Variants in MAD1L1 observed in about 807,000 individuals in gnomAD.
The protein encoded by MAD1L1 is mitotic arrest deficient 1 like 1.
A neutral mutation model predicts 96.9 loss-of-function variants in MAD1L1; 95 were observed. The ratio of observed to expected loss-of-function variants is 0.98; its 90% CI spans 0.83 to 1.16. MAD1L1 has a LOEUF of 1.16. Among genes scored for constraint, MAD1L1 ranks in the 50% most tolerant of loss-of-function variants. The probability of loss-of-function intolerance (pLI) is 0.00; values close to 1 mark genes in which losing one functional copy is unlikely to be tolerated. For synonymous variants in MAD1L1, 473 were observed against 396.6 expected, an observed-to-expected ratio of 1.19 and a Z score of -2.29; for missense variants, 1,007 against 954.4, an observed-to-expected ratio of 1.06 and a Z score of -0.73.
chr7:2,192,615 G>A (rs1791783906), intron 10 of MAD1L1, among the ~76,000 whole-genome samples: 1 of 152,172 alleles, frequency 6.6e-6, no homozygotes. Flanking sequence ...CAGGCTCCTA[G>A]GGAACTGATT....
At position 1,843,292 on chromosome 7, in the gene MAD1L1, A is replaced by G. The variant is rs557644727; in HGVS notation, c.1999-27064T>C. Among the ~76,000 whole-genome samples the G allele has an allele frequency of 2.0e-5, 3 of 152,244 alleles. No individual in the cohort carries two copies. The East Asian group carries it at 5.8e-4, about 30-fold the overall frequency. On this transcript the variant is annotated intron_variant, in intron 18 of 18. Transcript: ENST00000265854. ...CAGGTTCTTCGGCAGTAAATCAACT[A>G]AACGGTAACACTCTTCCCTCCATCT... is the stretch of plus-strand genomic sequence containing the variant.
chr7:2,061,098 G>A (rs1784641935), intron 12 of MAD1L1, among the ~76,000 whole-genome samples: 1 of 152,238 alleles, frequency 6.6e-6, no homozygotes, highest in Admixed American at 6.5e-5. Flanking sequence ...CAACACTTTG[G>A]AAGGCTGAGG....
At chr7:2,130,754 G>C (rs747513074) in intron 11 of MAD1L1, among the ~76,000 whole-genome samples, 2 of 152,190 alleles carry the variant, frequency 1.3e-5, no homozygotes, top group Non-Finnish European at 2.9e-5. Context: ...CCCACTTCCA[G>C]TCACCGATCT....
intron 10 of MAD1L1, among the ~76,000 whole-genome samples, chr7:2,150,605 C>G (rs1562732731): frequency 6.6e-6 from 1 of 152,220 alleles, no homozygotes; most frequent in Non-Finnish European, 1.5e-5. Flanking sequence ...TTGCACGGCA[C>G]AGAGGACAGC....
At chr7:2,219,676 C>A (rs1454142863) in intron 5 of MAD1L1, among the ~76,000 whole-genome samples, 5 of 107,614 alleles carry the variant, frequency 4.6e-5, no homozygotes, top group Non-Finnish European at 9.2e-5. Context: ...GCAAGGGGGG[C>A]AGAGGGCAGG....
chr7:1,992,236 G>A (rs1164374972), intron 14 of MAD1L1, among the ~76,000 whole-genome samples: 1 of 152,104 alleles, frequency 6.6e-6, no homozygotes, highest in Non-Finnish European at 1.5e-5. Context: ...TGACTTCCAC[G>A]CTGGATACCC....
At chr7:2,029,076 G>T (rs1783106449) in intron 12 of MAD1L1, among the ~76,000 whole-genome samples, 1 of 152,132 alleles carries the variant, frequency 6.6e-6, no homozygotes, top group African/African-American at 2.4e-5. Context: ...TGATAAATTA[G>T]ATTTCATTCA....
At chr7:2,179,578 G>A (rs1791099000) in intron 10 of MAD1L1, among the ~76,000 whole-genome samples, 1 of 151,588 alleles carries the variant, frequency 6.6e-6, no homozygotes, top group Non-Finnish European at 1.5e-5. Context: ...AGGACAGAGG[G>A]AACAGAATGG....
chr7:1,917,530 C>A (rs1344352998), intron 17 of MAD1L1, among the ~76,000 whole-genome samples: 1 of 152,266 alleles, frequency 6.6e-6, no homozygotes, highest in African/African-American at 2.4e-5. Context: ...ATGTGTCAGG[C>A]ACTGAAGAGC....
intron 13 of MAD1L1, among the ~76,000 whole-genome samples, chr7:2,012,240 A>C (rs1407172849): frequency 2.0e-5 from 3 of 152,214 alleles, no homozygotes; most frequent in Non-Finnish European, 4.4e-5. Context: ...TGATCGCCTT[A>C]ACACACAAAA....
intron 16 of MAD1L1, among the ~76,000 whole-genome samples, chr7:1,951,967 T>C (rs948092235): frequency 2.6e-5 from 4 of 152,282 alleles, no homozygotes; most frequent in Admixed American, 2.6e-4. Flanking sequence ...GTGGACTTGC[T>C]GGTCAGTGTG....
intron 15 of MAD1L1, among the ~76,000 whole-genome samples, chr7:1,962,646 A>T (rs1780000097): frequency 6.6e-6 from 1 of 152,238 alleles, no homozygotes; most frequent in Admixed American, 6.5e-5. Flanking sequence ...ACAAAAAAAC[A>T]GGTGCTTTAC....
intron 3 of MAD1L1, among the ~76,000 whole-genome samples, chr7:2,229,119 A>ATCTGGGCCTCT (rs1794064600): frequency 6.6e-6 from 1 of 152,360 alleles, no homozygotes; most frequent in East Asian, 1.9e-4. Context: ...CAAATGCAGC[A>ATCTGGGCCTCT]GGGCCTCATC....
rs530964326 is a variant in MAD1L1 at position 2,224,056 on chromosome 7, T to C, written c.292-1302A>G. 5.9e-4 allele frequency among the ~76,000 whole-genome samples: 90 copies of C among 152,240 alleles called. 1 individual carries two copies. The highest frequency in any genetic ancestry group is 1.1e-3 in the Non-Finnish European group (74 of 67,992). ...GACAGGGTTCCCGGAGACCCTACAA[T>C]GACCCCTCCCTCAATCCAACATTTG... On this transcript the variant is annotated intron_variant, in intron 4 of 18. Coordinates refer to ENST00000265854, the MANE Select transcript of MAD1L1 (RefSeq NM_001013836.2).
intron 17 of MAD1L1, among the ~76,000 whole-genome samples, chr7:1,909,130 T>G (rs1226595084): frequency 2.6e-5 from 4 of 152,096 alleles, no homozygotes; most frequent in Non-Finnish European, 5.9e-5. Flanking sequence ...GACACCGGCG[T>G]GGTGTACTAG....
chr7:2,141,665 G>A (rs935619780), intron 11 of MAD1L1, among the ~76,000 whole-genome samples: 1 of 152,288 alleles, frequency 6.6e-6, no homozygotes. Flanking sequence ...AAAATGTACA[G>A]GCCTGGTACC....
intron 18 of MAD1L1, among the ~76,000 whole-genome samples, chr7:1,828,940 G>A (rs1471086850): frequency 2.6e-5 from 4 of 152,146 alleles, no homozygotes; most frequent in African/African-American, 7.2e-5. Context: ...TACGGGGGAC[G>A]GATCCATGCC....
intron 18 of MAD1L1, chr7:1,847,437 A>T (rs1231002351): frequency 4.3e-6 from 2 of 470,546 alleles, no homozygotes; most frequent in South Asian, 3.1e-5. Flanking sequence ...GACAGTGGAG[A>T]CCTCTACCCT....
chr7:1,904,627 G>A (rs1446053417), intron 17 of MAD1L1, among the ~76,000 whole-genome samples: 2 of 126,308 alleles, frequency 1.6e-5, no homozygotes, highest in Non-Finnish European at 3.2e-5. Flanking sequence ...CAGCGAGGAT[G>A]CAGTGGCCTA....
Sources: allele counts gnomAD v4.1 joint callset (sites outside exome capture counted in the v4.1 genomes callset), GRCh38; gene constraint gnomAD v4.1.1; transcripts MANE v1.5; gene names NCBI Gene and HGNC (gene_info 2026-07-23, HGNC 2026-07-21).